TAFA1: variants seen among roughly 807,000 people sequenced by gnomAD.
The protein encoded by TAFA1 is chemokine-like protein TAFA-1.
A neutral mutation model predicts 18.5 loss-of-function variants in TAFA1; 4 were observed. That is an observed-to-expected ratio of 0.22 (90% confidence interval 0.11 to 0.49). TAFA1 has a LOEUF of 0.49. Ranked by LOEUF, TAFA1 falls within the 20% of genes least tolerant of loss-of-function variation. The pLI, the probability that TAFA1 is intolerant of heterozygous loss-of-function variation, is 0.98. For synonymous variants in TAFA1, 56 were observed against 55.2 expected, an observed-to-expected ratio of 1.01 and a Z score of -0.06; for missense variants, 147 against 169.0, an observed-to-expected ratio of 0.87 and a Z score of 0.72.
chr3:68,122,711 AC>A (rs1436655322), intron 2 of TAFA1, among the ~76,000 whole-genome samples: 1 of 152,120 alleles, frequency 6.6e-6, no homozygotes, highest in African/African-American at 2.4e-5. Flanking sequence ...CATAAATAGA[AC>A]TTGAAATAAA....
chr3:68,013,170 T>C (rs1489772170), intron 2 of TAFA1, among the ~76,000 whole-genome samples: 2 of 152,144 alleles, frequency 1.3e-5, no homozygotes, highest in African/African-American at 2.4e-5. Context: ...AAAATACTTG[T>C]TTAATTACTA....
At chr3:68,381,498 T>C (rs2069955089) in intron 2 of TAFA1, among the ~76,000 whole-genome samples, 1 of 152,194 alleles carries the variant, frequency 6.6e-6, no homozygotes, top group African/African-American at 2.4e-5. Context: ...CCCTTGTAAG[T>C]TGGATTCGCA....
At chr3:68,352,252 AAGAC>A (rs2069283318) in intron 2 of TAFA1, among the ~76,000 whole-genome samples, 1 of 151,974 alleles carries the variant, frequency 6.6e-6, no homozygotes, top group South Asian at 2.1e-4. Context: ...CCTGTAATAA[AAGAC>A]AGATTAACAA....
intron 2 of TAFA1, among the ~76,000 whole-genome samples, chr3:68,011,782 C>T (rs1223545418): frequency 6.6e-6 from 1 of 152,156 alleles, no homozygotes; most frequent in Non-Finnish European, 1.5e-5. Flanking sequence ...GATAATCCAT[C>T]GATCATCTGA....
chr3:68,013,119 A>C (rs937556498), intron 2 of TAFA1, among the ~76,000 whole-genome samples: 2 of 152,102 alleles, frequency 1.3e-5, no homozygotes, highest in African/African-American at 4.8e-5. Flanking sequence ...TCATCCTTTT[A>C]TCTCTCACTT....
rs978642844 is a variant in TAFA1, at chr3:68,080,272, T to G, written c.118+73528T>G. Among the ~76,000 whole-genome samples the G allele has an allele frequency of 5.3e-5, 8 of 152,324 alleles. No individual in the cohort carries two copies. In the East Asian group the frequency reaches 5.8e-4, roughly 11 times the overall value. On this transcript the variant is annotated intron_variant, in intron 2 of 4. Transcript: ENST00000478136. ...TGGGTCTTGACTCTTGATCCAATTT[T>G]CCAGTCTGTGTCTTTTAATTGGAGC...
intron 2 of TAFA1, among the ~76,000 whole-genome samples, chr3:68,132,712 T>C (rs1298994843): frequency 6.6e-6 from 1 of 152,218 alleles, no homozygotes; most frequent in African/African-American, 2.4e-5. Context: ...TGCCCACTTT[T>C]TGATGGGGTC....
intron 2 of TAFA1, among the ~76,000 whole-genome samples, chr3:68,111,778 G>A (rs1048524584): frequency 7.0e-6 from 1 of 142,214 alleles, no homozygotes; most frequent in East Asian, 2.0e-4. Context: ...ACACACATGA[G>A]AAAGAGAGAG....
intron 3 of TAFA1, among the ~76,000 whole-genome samples, chr3:68,519,363 C>A (rs1490673341): frequency 6.6e-6 from 1 of 152,194 alleles, no homozygotes; most frequent in South Asian, 2.1e-4. Flanking sequence ...GACTTCCCAG[C>A]CTCCAGAATT....
At chr3:68,356,817 C>T (rs2069375579) in intron 2 of TAFA1, among the ~76,000 whole-genome samples, 1 of 151,912 alleles carries the variant, frequency 6.6e-6, no homozygotes, top group African/African-American at 2.4e-5. Context: ...TTGTGCTAAA[C>T]ACATGAATGC....
chr3:68,065,446 A>C lies in TAFA1; in HGVS notation c.118+58702A>C, dbSNP rs143790499. On this transcript the variant is annotated intron_variant, in intron 2 of 4. Coordinates refer to ENST00000478136, the MANE Select transcript of TAFA1 (RefSeq NM_213609.4). ...TGCAAGCACATTACAAGGGCACGTAATGAACGACTGATAGGGTCCCAGTGT... is the reference window on the plus strand; with the variant it reads ...TGCAAGCACATTACAAGGGCACGTACTGAACGACTGATAGGGTCCCAGTGT... Among the ~76,000 whole-genome samples the C allele has an allele frequency of 4.4e-3, 671 of 152,288 alleles. 5 individuals are homozygous for C. The highest frequency in any genetic ancestry group is 0.015 in the African/African-American group (614 of 41,562).
At chr3:68,397,130 C>A (rs559388923) in intron 2 of TAFA1, among the ~76,000 whole-genome samples, 9 of 151,988 alleles carry the variant, frequency 5.9e-5, no homozygotes, top group Non-Finnish European at 1.3e-4. Flanking sequence ...GAGGATCTTC[C>A]GTTTTCTTTC....
chr3:68,390,159 C>T (rs560358375), intron 2 of TAFA1, among the ~76,000 whole-genome samples: 1 of 152,262 alleles, frequency 6.6e-6, no homozygotes, highest in East Asian at 1.9e-4. Flanking sequence ...GATGCTCAAG[C>T]TTGGTGGGGG....
At chr3:68,373,287 C>G (rs1007245798) in intron 2 of TAFA1, among the ~76,000 whole-genome samples, 3 of 152,066 alleles carry the variant, frequency 2.0e-5, no homozygotes, top group African/African-American at 7.2e-5. Context: ...TTTTTTAATT[C>G]TATAAGGGAA....
intron 2 of TAFA1, among the ~76,000 whole-genome samples, chr3:68,319,479 G>C (rs1320798844): frequency 6.6e-6 from 1 of 152,140 alleles, no homozygotes; most frequent in Admixed American, 6.6e-5. Flanking sequence ...ACATTACACA[G>C]AGCAATCCTC....
chr3:68,423,388 CAGA>C (rs1559663451), intron 3 of TAFA1, among the ~76,000 whole-genome samples: 1 of 152,090 alleles, frequency 6.6e-6, no homozygotes, highest in East Asian at 1.9e-4. Flanking sequence ...ATGGCATAGC[CAGA>C]AGGTCAGCCT....
At chr3:68,287,810 T>C (rs17047444) in intron 2 of TAFA1, among the ~76,000 whole-genome samples, 31,087 of 151,500 alleles carry the variant, frequency 0.21, 3,727 homozygotes, top group East Asian at 0.59. Flanking sequence ...TTGTGAAATC[T>C]AATTATACCT....
At chr3:68,491,232 A>G (rs13068839) in intron 3 of TAFA1, among the ~76,000 whole-genome samples, 29,424 of 152,042 alleles carry the variant, frequency 0.19, 2,967 homozygotes, top group Non-Finnish European at 0.21. Context: ...GTAAAGACAC[A>G]TGCACACGTA....
chr3:68,333,174 A>G (rs2068911002), intron 2 of TAFA1, among the ~76,000 whole-genome samples: 1 of 152,200 alleles, frequency 6.6e-6, no homozygotes, highest in African/African-American at 2.4e-5. Flanking sequence ...AGGAATATAA[A>G]TCATTCTGTC....
Sources: allele counts gnomAD v4.1 joint callset (sites outside exome capture counted in the v4.1 genomes callset), GRCh38; gene constraint gnomAD v4.1.1; transcripts MANE v1.5; gene names NCBI Gene and HGNC (gene_info 2026-07-23, HGNC 2026-07-21).